Variants in CTNND2 observed in about 807,000 individuals in gnomAD.
CTNND2 encodes catenin delta-2.
Under a neutral mutation model 144.4 loss-of-function variants are expected in CTNND2, and 22 were observed. The observed-to-expected ratio is 0.15, with a 90% CI of 0.11 to 0.22. The LOEUF is 0.22. Ranked by LOEUF, CTNND2 falls within the 10% of genes least tolerant of loss-of-function variation. The probability of loss-of-function intolerance (pLI) is 1.00; values close to 1 mark genes in which losing one functional copy is unlikely to be tolerated. For missense variants in CTNND2, 1,353 were observed against 1,618.8 expected (o/e 0.84, Z 2.82); for synonymous variants, 751 against 695.6 (o/e 1.08, Z -1.25).
At chr5:10,982,003 A>G (rs1482251459) in intron 20 of CTNND2, among the ~76,000 whole-genome samples, 157 bp from the exon 21 acceptor site, 1 of 152,164 alleles carries the variant, frequency 6.6e-6, no homozygotes, top group African/African-American at 2.4e-5. Context: ...TTCATTTTAC[A>G]TACAGATATT....
chr5:11,571,662 T>C lies in CTNND2; in HGVS notation c.175-6606A>G, dbSNP rs529918345. Among the ~76,000 whole-genome samples, 7 of 152,238 alleles carry C rather than the reference T, an allele frequency of 4.6e-5. No homozygotes were observed. The East Asian group carries it at 1.2e-3, about 25-fold the overall frequency. On this transcript the variant is annotated intron_variant, in intron 2 of 21. Transcript: ENST00000304623. ...GCTTACCACTATACTTCATGCCCCA[T>C]GCACCCACACCCCGCACCTTCGAGA...
intron 1 of CTNND2, among the ~76,000 whole-genome samples, chr5:11,767,457 T>C (rs972096512): frequency 6.6e-6 from 1 of 152,206 alleles, no homozygotes; most frequent in Admixed American, 6.5e-5. Flanking sequence ...ACCTCTGTCC[T>C]AAGACAAAAG....
chr5:11,177,600 T>C lies in CTNND2; in HGVS notation c.1976-17841A>G, dbSNP rs1307583899. On this transcript the variant is annotated intron_variant, in intron 11 of 21. Coordinates refer to ENST00000304623, the MANE Select transcript of CTNND2 (RefSeq NM_001332.4). ...CTTTTACCTATCACCTCCTGGAGAC[T>C]AAAAAAATATTTAAAGGAAGTGAAA... 2.0e-5 allele frequency among the ~76,000 whole-genome samples: 3 copies of C among 152,122 alleles called. No homozygotes were observed. The East Asian group carries it at 5.8e-4, about 29-fold the overall frequency.
At chr5:10,978,081 G>A (rs376132030) in intron 21 of CTNND2, among the ~76,000 whole-genome samples, 1 of 152,156 alleles carries the variant, frequency 6.6e-6, no homozygotes, top group Non-Finnish European at 1.5e-5. Flanking sequence ...TGAGCCACCC[G>A]GGAGACAGGA....
chr5:11,689,295 T>A (rs1784791999), intron 2 of CTNND2, among the ~76,000 whole-genome samples: 1 of 152,224 alleles, frequency 6.6e-6, no homozygotes, highest in African/African-American at 2.4e-5. Context: ...TTTACAGATT[T>A]GTTACAGAAT....
chr5:11,147,025 G>A (rs1757306283), intron 12 of CTNND2, among the ~76,000 whole-genome samples: 1 of 152,190 alleles, frequency 6.6e-6, no homozygotes, highest in Non-Finnish European at 1.5e-5. Flanking sequence ...TGGCACAGCA[G>A]AAAAAGAAGG....
chr5:11,815,915 T>C (rs944409546), intron 1 of CTNND2, among the ~76,000 whole-genome samples: 14 of 152,172 alleles, frequency 9.2e-5, no homozygotes, highest in African/African-American at 3.1e-4. Context: ...CATCATCTCA[T>C]GTCACTGATA....
chr5:11,128,355 C>T (rs188930898), intron 12 of CTNND2, among the ~76,000 whole-genome samples: 74 of 152,244 alleles, frequency 4.9e-4, no homozygotes, highest in African/African-American at 1.7e-3. Flanking sequence ...CTGCTAACAA[C>T]CTGCAGTAGC....
At chr5:11,541,615 T>C (rs912104086) in intron 3 of CTNND2, among the ~76,000 whole-genome samples, 9 of 152,184 alleles carry the variant, frequency 5.9e-5, no homozygotes, top group African/African-American at 2.2e-4. Context: ...CATTTTTCTG[T>C]ACAGGGCTAT....
intron 16 of CTNND2, among the ~76,000 whole-genome samples, chr5:11,080,304 G>T (rs1175482816): frequency 6.6e-6 from 1 of 152,122 alleles, no homozygotes; most frequent in African/African-American, 2.4e-5. Flanking sequence ...TTATCAAAAA[G>T]ATAAAAACCA....
At chr5:11,151,086 C>T (rs1381767078) in intron 12 of CTNND2, among the ~76,000 whole-genome samples, 1 of 152,196 alleles carries the variant, frequency 6.6e-6, no homozygotes, top group East Asian at 1.9e-4. Flanking sequence ...TACTAACTCA[C>T]GGGTTGTTTG....
intron 6 of CTNND2, among the ~76,000 whole-genome samples, chr5:11,387,603 G>A (rs1237925100): frequency 6.6e-6 from 1 of 152,082 alleles, no homozygotes; most frequent in Non-Finnish European, 1.5e-5. Flanking sequence ...AAAAGCATCC[G>A]ACAAAAATTT....
intron 10 of CTNND2, among the ~76,000 whole-genome samples, chr5:11,212,322 T>A (rs1389207918): frequency 2.6e-5 from 4 of 152,084 alleles, no homozygotes; most frequent in African/African-American, 9.7e-5. Flanking sequence ...CCTTAGGAAA[T>A]GGGGTGGGGT....
chr5:11,129,833 C>G (rs1354526730), intron 12 of CTNND2, among the ~76,000 whole-genome samples: 1 of 152,056 alleles, frequency 6.6e-6, no homozygotes, highest in Non-Finnish European at 1.5e-5. Context: ...ATGTGAAGCA[C>G]CAACCATAAG....
rs60026632 is a variant in CTNND2 at position 11,218,548 on chromosome 5, CT to C, written c.1761+18142del. Among the ~76,000 whole-genome samples the C allele has an allele frequency of 9.6e-3, 1,456 of 152,118 alleles. 29 individuals carry two copies. Among genetic ancestry groups the C allele is most frequent in the African/African-American group, 0.034 (1,398 of 41,480 alleles). On this transcript the variant is annotated intron_variant, in intron 10 of 21. Coordinates refer to ENST00000304623, the MANE Select transcript of CTNND2 (RefSeq NM_001332.4). ...TCAAATAAAGGCAAATTGAGATTGGCTTTTTCTCAGAAACTAGGATTGAAAA... is the reference window on the plus strand; with the variant it reads ...TCAAATAAAGGCAAATTGAGATTGGCTTTTCTCAGAAACTAGGATTGAAAA...
chr5:11,368,680 A>G (rs1457032340), intron 7 of CTNND2, among the ~76,000 whole-genome samples: 2 of 152,220 alleles, frequency 1.3e-5, no homozygotes, highest in Non-Finnish European at 2.9e-5. Flanking sequence ...CAGAAATGGT[A>G]TCTAAAGTAG....
chr5:11,313,578 C>T (rs979974533), intron 9 of CTNND2, among the ~76,000 whole-genome samples: 8 of 152,026 alleles, frequency 5.3e-5, no homozygotes, highest in African/African-American at 9.7e-5. Flanking sequence ...TGGGTCTTCC[C>T]GGAATCCTGG....
intron 2 of CTNND2, among the ~76,000 whole-genome samples, chr5:11,623,164 A>G (rs536747663): frequency 1.3e-5 from 2 of 152,284 alleles, no homozygotes; most frequent in South Asian, 2.1e-4. Flanking sequence ...AGGAAAAACA[A>G]TATCAAATCG....
chr5:11,708,631 G>C (rs1785851270), intron 2 of CTNND2, among the ~76,000 whole-genome samples: 3 of 152,096 alleles, frequency 2.0e-5, no homozygotes, highest in South Asian at 4.1e-4. Flanking sequence ...CTTCTGCAGT[G>C]TGGCTCAAGT....
Sources: gnomAD v4.1 joint callset for allele counts (sites outside exome capture counted in the v4.1 genomes callset) on GRCh38, gnomAD v4.1.1 for gene constraint, MANE v1.5 for transcripts, NCBI Gene and HGNC (gene_info 2026-07-23, HGNC 2026-07-21) for gene names.